KCNQ1: variants seen among roughly 807,000 people sequenced by gnomAD.
The protein encoded by KCNQ1 is potassium voltage-gated channel subfamily Q member 1, also known as potassium voltage-gated channel subfamily KQT member 1.
In KCNQ1, 49 loss-of-function variants were observed where a neutral mutation model predicts 72.4. The observed-to-expected ratio is 0.68, with a 90% CI of 0.54 to 0.86. The LOEUF is 0.86. Ranked by LOEUF, KCNQ1 falls within the 40% of genes least tolerant of loss-of-function variation. The pLI is 0.00. For synonymous variants in KCNQ1, 450 were observed against 412.6 expected, an observed-to-expected ratio of 1.09 and a Z score of -1.10; for missense variants, 790 against 945.1, an observed-to-expected ratio of 0.84 and a Z score of 2.15.
At chr11:2,770,576 G>A (rs1394159108) in intron 12 of KCNQ1, among the ~76,000 whole-genome samples, 1 of 152,264 alleles carries the variant, frequency 6.6e-6, no homozygotes, top group Non-Finnish European at 1.5e-5. Flanking sequence ...ATCCCCCCAG[G>A]GAAGGGGGTG....
intron 11 of KCNQ1, among the ~76,000 whole-genome samples, chr11:2,709,031 C>T (rs1459467846): frequency 1.3e-5 from 2 of 152,080 alleles, no homozygotes; most frequent in African/African-American, 2.4e-5. Context: ...TTATAAACTC[C>T]GTGTGCAAAT....
At position 2,449,925 on chromosome 11, in the gene KCNQ1, TGGTCCTGACGCAGG is replaced by T. The variant is rs1846099738; in HGVS notation, c.386+4450_386+4463del. 3.3e-5 allele frequency among the ~76,000 whole-genome samples: 5 copies of T among 152,180 alleles called. No homozygotes were observed. The South Asian group carries it at 1.0e-3, about 31-fold the overall frequency. On this transcript the variant is annotated intron_variant, in intron 1 of 15. Coordinates refer to ENST00000155840, the MANE Select transcript of KCNQ1 (RefSeq NM_000218.3). ...TAACAGGGCAGCGGGTCCAGGGAGC[TGGTCCTGACGCAGG>T]GGTCCTGATGCAGCGGGTCCAGGGA...
At chr11:2,572,208 C>CGG (rs1848348455) in intron 5 of KCNQ1, 99 bp downstream of exon 5, 2 of 897,194 alleles carry the variant, frequency 2.2e-6, no homozygotes, top group Non-Finnish European at 3.5e-6. Context: ...GCTGAGGCCC[C>CGG]GGGGGCCGGT....
At position 2,682,111 on chromosome 11, in the gene KCNQ1, G is replaced by A. The variant is rs1850408715; in HGVS notation, c.1514+20030G>A. The A allele has an allele frequency of 2.5e-6, 1 of 398,462 alleles. No individual in the cohort carries two copies. The highest frequency in any genetic ancestry group is 4.4e-5 in the Admixed American group (1 of 22,706). The allele number at this position is 398,462 out of a possible 1,614,324, so 24.7% of individuals were successfully genotyped here. On this transcript the variant is annotated intron_variant, in intron 11 of 15. Transcript: ENST00000155840. The surrounding 1 kb of genome is among the most constrained non-coding windows in gnomAD (Gnocchi z 5.8). ...AGGGTCACAAAGCTAGGGAGCCGTG[G>A]ATCTGCAGGAGATGTCCCAGCTCAT...
At chr11:2,740,487 A>G (rs1032018421) in intron 11 of KCNQ1, among the ~76,000 whole-genome samples, 1 of 152,224 alleles carries the variant, frequency 6.6e-6, no homozygotes, top group African/African-American at 2.4e-5. Flanking sequence ...AGGACAGCGC[A>G]CGCGGGCTTT....
intron 11 of KCNQ1, chr11:2,692,634 C>A: frequency 2.5e-6 from 1 of 398,724 alleles, no homozygotes; most frequent in South Asian, 1.3e-4. Flanking sequence ...TGCTCCCAGG[C>A]CTCAGCACTC....
intron 10 of KCNQ1, chr11:2,630,443 T>C: frequency 2.5e-6 from 1 of 398,366 alleles, no homozygotes; most frequent in Non-Finnish European, 4.4e-6. Flanking sequence ...GTTGGGATTG[T>C]TCCCTCTTTG....
At position 2,626,472 on chromosome 11, in the gene KCNQ1, C is replaced by T. The variant is rs1383985041; in HGVS notation, c.1394-35489C>T. 2 of 398,484 alleles carry T rather than the reference C, an allele frequency of 5.0e-6. No individual in the cohort carries two copies. The highest frequency in any genetic ancestry group is 8.8e-5 in the Admixed American group (2 of 22,712). 24.7% of individuals were successfully genotyped at this position (398,484 alleles called of 1,614,324 possible). A position where few individuals can be genotyped will look rare whatever the true frequency, so the allele number is the denominator to read the frequency against. On this transcript the variant is annotated intron_variant, in intron 10 of 15. Coordinates refer to ENST00000155840, the MANE Select transcript of KCNQ1 (RefSeq NM_000218.3). This position sits in a 1 kb window ranked among gnomAD's most constrained non-coding sequence, Gnocchi z 4.0. ...GGGCTCTCTATTCAATTCCATTGGTCTCTACATCTTTATGTCAATACCACA... is the reference window on the plus strand; with the variant it reads ...GGGCTCTCTATTCAATTCCATTGGTTTCTACATCTTTATGTCAATACCACA...
At chr11:2,489,920 T>C (rs569834231) in intron 1 of KCNQ1, among the ~76,000 whole-genome samples, 1 of 152,294 alleles carries the variant, frequency 6.6e-6, no homozygotes, top group Non-Finnish European at 1.5e-5. Flanking sequence ...TATACTGGCT[T>C]CAGGTACCAG....
At chr11:2,740,230 G>A (rs1846029373) in intron 11 of KCNQ1, among the ~76,000 whole-genome samples, 1 of 152,162 alleles carries the variant, frequency 6.6e-6, no homozygotes, top group Admixed American at 6.5e-5. Context: ...GGTGGGGGAT[G>A]GGGAGTGGGT....
rs575152274 is a variant in KCNQ1, at chr11:2,834,440, C to T, written c.1795-13327C>T. Among the ~76,000 whole-genome samples the T allele has an allele frequency of 3.9e-5, 6 of 152,286 alleles. No individual in the cohort carries two copies. The South Asian group carries it at 8.3e-4, about 21-fold the overall frequency. Reference sequence around the variant, plus strand: ...GCCTGGGCCTCATCATCACACCTCGCCCTCAAGGCCTCCAGGCACAGCATC... The same window carrying T: ...GCCTGGGCCTCATCATCACACCTCGTCCTCAAGGCCTCCAGGCACAGCATC... On this transcript the variant is annotated intron_variant, in intron 15 of 15. Transcript: ENST00000155840.
Position 2,627,854 on chromosome 11 carries a change from G to A in KCNQ1, c.1394-34107G>A. The A allele has an allele frequency of 1.0e-5, 4 of 398,582 alleles. No homozygotes were observed. The Admixed American group carries it at 1.8e-4, about 18-fold the overall frequency. 24.7% of individuals were successfully genotyped at this position (398,582 alleles called of 1,614,324 possible). On this transcript the variant is annotated intron_variant, in intron 10 of 15. Coordinates refer to ENST00000155840, the MANE Select transcript of KCNQ1 (RefSeq NM_000218.3). The surrounding 1 kb of genome is among the most constrained non-coding windows in gnomAD (Gnocchi z 4.9). ...TAGCCTCAACCTCATGGGCTCAAGTGATCCTCCTGCCTCAGCCTCCTGAGT... is the reference window on the plus strand; with the variant it reads ...TAGCCTCAACCTCATGGGCTCAAGTAATCCTCCTGCCTCAGCCTCCTGAGT...
intron 10 of KCNQ1, chr11:2,630,880 T>C (rs185376542): frequency 5.0e-6 from 2 of 398,420 alleles, no homozygotes; most frequent in Non-Finnish European, 8.8e-6. Flanking sequence ...GTTTTTTATC[T>C]TTCAGAACTT....
chr11:2,533,961 G>A lies in KCNQ1; in HGVS notation c.477+5943G>A, dbSNP rs538649323. On this transcript the variant is annotated intron_variant, in intron 2 of 15. Transcript: ENST00000155840. ...TGAGCTGCGGCCCCGGAGGCCTAGG[G>A]GATGAGGTCATCGCTGCGGCTTCCT... Among the ~76,000 whole-genome samples, 53 of 152,330 alleles carry A rather than the reference G, an allele frequency of 3.5e-4. No homozygotes were observed. In the South Asian group the frequency reaches 0.011, roughly 32 times the overall value.
chr11:2,614,799 T>C, intron 10 of KCNQ1: 1 of 398,514 alleles, frequency 2.5e-6, no homozygotes, highest in East Asian at 3.6e-5. Context: ...ACTGCAGCTT[T>C]GTAAAAGTTT....
chr11:2,613,521 C>A lies in KCNQ1; in HGVS notation c.1393+24667C>A. The A allele has an allele frequency of 2.5e-6, 1 of 398,498 alleles. No individual in the cohort carries two copies. Among genetic ancestry groups the A allele is most frequent in the Non-Finnish European group, 4.4e-6 (1 of 226,042 alleles). 24.7% of individuals were successfully genotyped at this position (398,498 alleles called of 1,614,324 possible). A position where few individuals can be genotyped will look rare whatever the true frequency, so the allele number is the denominator to read the frequency against. On this transcript the variant is annotated intron_variant, in intron 10 of 15. Transcript: ENST00000155840. This position sits in a 1 kb window ranked among gnomAD's most constrained non-coding sequence, Gnocchi z 4.8. ...CCCCTGAGCTTGGGTGGGGAGATGGCAGCCCCACGTTAAATCATAACCCTG... is the reference window on the plus strand; with the variant it reads ...CCCCTGAGCTTGGGTGGGGAGATGGAAGCCCCACGTTAAATCATAACCCTG...
intron 15 of KCNQ1, among the ~76,000 whole-genome samples, chr11:2,778,398 C>G (rs1370305270): frequency 6.6e-6 from 1 of 152,240 alleles, no homozygotes; most frequent in Non-Finnish European, 1.5e-5. Context: ...GTGGCAGAAG[C>G]TGGCCTCACA....
At chr11:2,740,257 G>A (rs1231869000) in intron 11 of KCNQ1, among the ~76,000 whole-genome samples, 5 of 152,182 alleles carry the variant, frequency 3.3e-5, no homozygotes, top group East Asian at 1.9e-4. Context: ...GCCCATCGAC[G>A]CTGCTGGGCA....
At chr11:2,604,842 C>T (rs117708787) in intron 10 of KCNQ1, among the ~76,000 whole-genome samples, 3,526 of 152,234 alleles carry the variant, frequency 0.023, 100 homozygotes, top group Admixed American at 0.036. Flanking sequence ...AGCACCTGGC[C>T]GATAACTATC....
Sources: gnomAD v4.1 joint callset for allele counts (sites outside exome capture counted in the v4.1 genomes callset) on GRCh38, gnomAD v4.1.1 for gene constraint, Gnocchi (gnomAD v3.1) non-coding constraint, MANE v1.5 for transcripts, NCBI Gene and HGNC (gene_info 2026-07-23, HGNC 2026-07-21) for gene names.